Variants in ANKRD6 observed in about 807,000 individuals in gnomAD.
ANKRD6 encodes the protein ankyrin repeat domain-containing protein 6.
Under a neutral mutation model 82.3 loss-of-function variants are expected in ANKRD6, and 56 were observed. The observed-to-expected ratio is 0.68, with a 90% CI of 0.55 to 0.85. The LOEUF (loss-of-function observed/expected upper bound fraction) is 0.85, where lower values mean the gene tolerates loss of function less well. Among genes scored for constraint, ANKRD6 ranks in the 40% least tolerant of loss-of-function variants. ANKRD6 has a pLI of 0.00. For synonymous variants in ANKRD6, 347 were observed against 352.1 expected, an observed-to-expected ratio of 0.99 and a Z score of 0.16; for missense variants, 852 against 907.6, an observed-to-expected ratio of 0.94 and a Z score of 0.79.
At chr6:89,616,811 C>A in intron 8 of ANKRD6, 154 bp downstream of exon 8, 1 of 783,968 alleles carries the variant, frequency 1.3e-6, no homozygotes, top group Non-Finnish European at 2.2e-6. Flanking sequence ...TTGGGGTGGA[C>A]TTGAAGGGTA....
At chr6:89,514,464 G>A (rs1780966369) in intron 1 of ANKRD6, among the ~76,000 whole-genome samples, 3 of 151,996 alleles carry the variant, frequency 2.0e-5, no homozygotes, top group African/African-American at 7.3e-5. Context: ...TATTTTATAT[G>A]TGGCCCAAGA....
chr6:89,567,973 C>T (rs1583334135), intron 2 of ANKRD6, among the ~76,000 whole-genome samples: 1 of 152,192 alleles, frequency 6.6e-6, no homozygotes, highest in South Asian at 2.1e-4. Flanking sequence ...AACTTCTGAC[C>T]TCCTGTGGCA....
chr6:89,598,441 T>G, intron 3 of ANKRD6: 1 of 984,722 alleles, frequency 1.0e-6, no homozygotes. Context: ...GGTCAGCAAC[T>G]TGCTTTACAC....
chr6:89,537,509 T>A (rs1783975759), intron 1 of ANKRD6, among the ~76,000 whole-genome samples: 1 of 151,980 alleles, frequency 6.6e-6, no homozygotes, highest in Non-Finnish European at 1.5e-5. Context: ...GTGCTTGTGG[T>A]TAGATGTTGG....
At chr6:89,497,948 T>G (rs1427489866) in intron 1 of ANKRD6, among the ~76,000 whole-genome samples, 1 of 152,196 alleles carries the variant, frequency 6.6e-6, no homozygotes, top group Non-Finnish European at 1.5e-5. Context: ...TTCTAGACAT[T>G]ACATATAAAT....
chr6:89,600,024 G>A (rs1045317023), intron 3 of ANKRD6, among the ~76,000 whole-genome samples: 1 of 152,182 alleles, frequency 6.6e-6, no homozygotes, highest in Admixed American at 6.5e-5. Flanking sequence ...GAAGGGGTGT[G>A]CAGGACCTTT....
chr6:89,600,269 A>C (rs926906583), intron 3 of ANKRD6, among the ~76,000 whole-genome samples: 2 of 152,190 alleles, frequency 1.3e-5, no homozygotes, highest in Admixed American at 6.5e-5. Flanking sequence ...CTCCAAAGAT[A>C]CCTCAACTCA....
At chr6:89,440,705 C>T (rs986890510) in intron 1 of ANKRD6, among the ~76,000 whole-genome samples, 3 of 151,726 alleles carry the variant, frequency 2.0e-5, no homozygotes, top group African/African-American at 4.8e-5. Flanking sequence ...GTGGGAGGAT[C>T]GATCGCTTGA....
intron 1 of ANKRD6, among the ~76,000 whole-genome samples, chr6:89,505,564 C>T (rs1779743930): frequency 6.6e-6 from 1 of 152,168 alleles, no homozygotes; most frequent in Non-Finnish European, 1.5e-5. Flanking sequence ...GTTCAGGAAG[C>T]CTGAACGGAG....
At chr6:89,550,834 T>C (rs1455814997) in intron 1 of ANKRD6, among the ~76,000 whole-genome samples, 1 of 152,110 alleles carries the variant, frequency 6.6e-6, no homozygotes, top group Admixed American at 6.5e-5. Flanking sequence ...CGGGCGCCTG[T>C]AGTCCCAGCT....
chr6:89,465,263 G>C (rs1291844943), intron 1 of ANKRD6, among the ~76,000 whole-genome samples: 2 of 151,762 alleles, frequency 1.3e-5, no homozygotes, highest in African/African-American at 4.8e-5. Context: ...GGGATTACAG[G>C]TGCCTGCCAC....
intron 1 of ANKRD6, among the ~76,000 whole-genome samples, chr6:89,496,014 C>G (rs1320298327): frequency 1.3e-5 from 2 of 152,000 alleles, no homozygotes; most frequent in Non-Finnish European, 2.9e-5. Context: ...CCATGGGCCC[C>G]CAAGAAAGAG....
At chr6:89,512,909 C>CATTT (rs1377744659) in intron 1 of ANKRD6, among the ~76,000 whole-genome samples, 1 of 151,588 alleles carries the variant, frequency 6.6e-6, no homozygotes, top group Non-Finnish European at 1.5e-5. Flanking sequence ...ATTTCTTTTT[C>CATTT]CTTTTTTTCT....
At chr6:89,485,509 A>C (rs748122277) in intron 1 of ANKRD6, among the ~76,000 whole-genome samples, 1 of 152,188 alleles carries the variant, frequency 6.6e-6, no homozygotes, top group Non-Finnish European at 1.5e-5. Context: ...TTGTGGCCAC[A>C]TGCTTGCCCC....
intron 5 of ANKRD6, among the ~76,000 whole-genome samples, chr6:89,609,862 G>A (rs952205423): frequency 1.3e-5 from 2 of 152,076 alleles, no homozygotes; most frequent in Non-Finnish European, 1.5e-5. Flanking sequence ...CACCCACCTC[G>A]GCCTCCCAAG....
At chr6:89,617,790 T>C (rs1421601254) in intron 8 of ANKRD6, among the ~76,000 whole-genome samples, 164 bp from the exon 9 acceptor site, 1 of 152,234 alleles carries the variant, frequency 6.6e-6, no homozygotes, top group Non-Finnish European at 1.5e-5. Context: ...GGTCTGAGGC[T>C]GATGACCAGG....
chr6:89,444,996 A>G (rs9342198), intron 1 of ANKRD6, among the ~76,000 whole-genome samples: 22,428 of 152,012 alleles, frequency 0.15, 2,122 homozygotes, highest in East Asian at 0.4. Flanking sequence ...TAAGACTATC[A>G]AAGGATTCCT....
At chr6:89,525,909 C>A (rs1437838365) in intron 1 of ANKRD6, among the ~76,000 whole-genome samples, 1 of 152,226 alleles carries the variant, frequency 6.6e-6, no homozygotes, top group African/African-American at 2.4e-5. Flanking sequence ...AAGTCCCATT[C>A]TCTGTCCAAT....
At chr6:89,442,037 C>T (rs897021052) in intron 1 of ANKRD6, among the ~76,000 whole-genome samples, 5 of 151,324 alleles carry the variant, frequency 3.3e-5, no homozygotes, top group East Asian at 2.0e-4. Context: ...CTCACTCTGT[C>T]GCCCAGGCTG....
Sources: allele counts gnomAD v4.1 joint callset (sites outside exome capture counted in the v4.1 genomes callset), GRCh38; gene constraint gnomAD v4.1.1; transcripts MANE v1.5; gene names NCBI Gene and HGNC (gene_info 2026-07-23, HGNC 2026-07-21).